Variants in TUNAR observed in about 807,000 individuals in gnomAD.
TUNAR encodes the protein protein TUNAR.
chr14:95,876,885 G>A (rs1336902962), exon 2 of TUNAR: 1 of 152,392 alleles, frequency 6.6e-6, no homozygotes, highest in Non-Finnish European at 1.5e-5. Flanking sequence ...CCCGGCGCGG[G>A]GCATGAGGAG....
intron 2 of TUNAR, among the ~76,000 whole-genome samples, chr14:95,883,190 C>T (rs1425876304): frequency 6.6e-6 from 1 of 152,198 alleles, no homozygotes; most frequent in Admixed American, 6.5e-5. Flanking sequence ...TGAGACTGTT[C>T]CTCTCTGTTT....
chr14:95,890,745 G>A (rs34500332), intron 2 of TUNAR, among the ~76,000 whole-genome samples: 7,420 of 152,322 alleles, frequency 0.049, 256 homozygotes, highest in Admixed American at 0.1. Context: ...ATCAGCATGT[G>A]ATAAATAATT....
rs544980694 is a variant in TUNAR at position 95,883,085 on chromosome 14, G to A, written c.12+5908G>A. 2.0e-5 allele frequency among the ~76,000 whole-genome samples: 3 copies of A among 151,998 alleles called. No homozygotes were observed. The South Asian group carries it at 6.2e-4, about 31-fold the overall frequency. On this transcript the variant is annotated intron_variant, in intron 2 of 2. Transcript: ENST00000678517. ...AAAACAGTACGTCCAGTTTTGCAGT[G>A]TTCAAGTCTAAAGGTAGACGTGAAA...
exon 3 of TUNAR, chr14:95,924,888 T>G (rs1010216818): frequency 2.0e-5 from 3 of 152,268 alleles, no homozygotes; most frequent in African/African-American, 7.2e-5. Flanking sequence ...TTCTATAGTC[T>G]ATGCCTGCAG....
At chr14:95,896,049 T>C (rs776846546) in intron 2 of TUNAR, 1 of 152,250 alleles carries the variant, frequency 6.6e-6, no homozygotes, top group African/African-American at 2.4e-5. Flanking sequence ...TGTTAAATTA[T>C]TGAATCCTTG....
chr14:95,881,844 A>G (rs940205149), intron 2 of TUNAR, among the ~76,000 whole-genome samples: 21 of 152,100 alleles, frequency 1.4e-4, no homozygotes, highest in African/African-American at 5.1e-4. Flanking sequence ...TCCCTGAAAT[A>G]CTCTGTCACC....
At chr14:95,884,504 AC>A (rs1889038605) in intron 2 of TUNAR, among the ~76,000 whole-genome samples, 1 of 152,162 alleles carries the variant, frequency 6.6e-6, no homozygotes, top group South Asian at 2.1e-4. Context: ...TCTTAAACCC[AC>A]TTGGGCAAAT....
intron 2 of TUNAR, among the ~76,000 whole-genome samples, chr14:95,901,337 G>GC (rs1463653435): frequency 2.6e-5 from 4 of 152,252 alleles, no homozygotes; most frequent in African/African-American, 9.6e-5. Flanking sequence ...GACTGGAAAA[G>GC]CCCGAACATT....
chr14:95,885,332 A>G (rs989657557), intron 2 of TUNAR, among the ~76,000 whole-genome samples: 2 of 152,210 alleles, frequency 1.3e-5, no homozygotes, highest in African/African-American at 4.8e-5. Context: ...ATGAAAGTAG[A>G]GATGTTCCCT....
At chr14:95,917,952 C>T (rs1333960217) in intron 2 of TUNAR, among the ~76,000 whole-genome samples, 2 of 152,102 alleles carry the variant, frequency 1.3e-5, no homozygotes, top group African/African-American at 4.8e-5. Flanking sequence ...TTACTGTTAT[C>T]AGCCAATCCC....
At chr14:95,902,251 G>T (rs184234985) in intron 2 of TUNAR, among the ~76,000 whole-genome samples, 1 of 152,050 alleles carries the variant, frequency 6.6e-6, no homozygotes, top group East Asian at 1.9e-4. Context: ...GATCAAAATT[G>T]TAAGCTTGAC....
At chr14:95,906,092 C>A (rs1048274580) in intron 2 of TUNAR, among the ~76,000 whole-genome samples, 1 of 152,172 alleles carries the variant, frequency 6.6e-6, no homozygotes, top group Non-Finnish European at 1.5e-5. Context: ...ACAAGATGTT[C>A]AAGGCTTATC....
chr14:95,897,985 A>T (rs1199111065), intron 2 of TUNAR, among the ~76,000 whole-genome samples: 8 of 151,724 alleles, frequency 5.3e-5, no homozygotes, highest in Non-Finnish European at 1.2e-4. Context: ...CCCTCTCAGG[A>T]TGCTCTCCCC....
At chr14:95,917,889 G>A in intron 2 of TUNAR, among the ~76,000 whole-genome samples, 1 of 152,240 alleles carries the variant, frequency 6.6e-6, no homozygotes, top group East Asian at 1.9e-4. Flanking sequence ...TTGTGCAACT[G>A]TCACTAAAAA....
At chr14:95,905,285 CCA>C (rs1436910786) in intron 2 of TUNAR, among the ~76,000 whole-genome samples, 2 of 152,140 alleles carry the variant, frequency 1.3e-5, no homozygotes, top group Non-Finnish European at 2.9e-5. Flanking sequence ...ACCAGTTTTC[CCA>C]CAAATGTCCT....
chr14:95,886,742 ATCAC>A lies in TUNAR; in HGVS notation c.12+9568_12+9571del, dbSNP rs557262179. The stretch of plus-strand genomic sequence containing the variant: ...GAATTGTGGCCGAGTAGCACATGAA[ATCAC>A]TCTGGAGTCGGTCATGATCCCTGAG... On this transcript the variant is annotated intron_variant, in intron 2 of 2. Coordinates refer to ENST00000678517, the Ensembl canonical transcript of TUNAR. 1.8e-3 allele frequency among the ~76,000 whole-genome samples: 278 copies of A among 152,300 alleles called. 1 individual carries two copies. The highest frequency in any genetic ancestry group is 6.3e-3 in the African/African-American group (263 of 41,556).
At chr14:95,908,364 C>G (rs1479267383) in intron 2 of TUNAR, among the ~76,000 whole-genome samples, 1 of 152,204 alleles carries the variant, frequency 6.6e-6, no homozygotes, top group East Asian at 1.9e-4. Context: ...TACTCAGCCG[C>G]TCCAGACGAC....
At chr14:95,897,727 A>G (rs905068450) in intron 2 of TUNAR, among the ~76,000 whole-genome samples, 2 of 152,226 alleles carry the variant, frequency 1.3e-5, no homozygotes, top group African/African-American at 4.8e-5. Flanking sequence ...GGCCTGGAAC[A>G]GACTTGAGTG....
chr14:95,905,367 G>A (rs1406784442), intron 2 of TUNAR, among the ~76,000 whole-genome samples: 1 of 152,084 alleles, frequency 6.6e-6, no homozygotes, highest in Non-Finnish European at 1.5e-5. Flanking sequence ...CTCCAATCTG[G>A]GGCAGTTCTT....
Sources: allele counts gnomAD v4.1 joint callset (sites outside exome capture counted in the v4.1 genomes callset), GRCh38; gene constraint gnomAD v4.1.1; transcripts MANE v1.5; gene names NCBI Gene and HGNC (gene_info 2026-07-23, HGNC 2026-07-21).